The following ORC5 variants were observed in gnomAD, a reference collection of about 807,000 sequenced individuals.
ORC5 encodes origin recognition complex subunit 5.
A neutral mutation model predicts 58.8 loss-of-function variants in ORC5; 39 were observed. The ratio of observed to expected loss-of-function variants is 0.66; its 90% CI spans 0.51 to 0.87. The LOEUF (loss-of-function observed/expected upper bound fraction) is 0.87, where lower values mean the gene tolerates loss of function less well. Ranked by LOEUF, ORC5 falls within the 40% of genes least tolerant of loss-of-function variation. ORC5 has a pLI of 0.00. For synonymous variants in ORC5, 218 were observed against 177.6 expected (o/e 1.23, Z -1.81); for missense variants, 493 against 506.3 (o/e 0.97, Z 0.25).
intron 12 of ORC5, among the ~76,000 whole-genome samples, chr7:104,153,500 A>G (rs1363811258): frequency 2.0e-5 from 3 of 152,198 alleles, no homozygotes; most frequent in African/African-American, 7.2e-5. Flanking sequence ...AGTTGTTGTT[A>G]AGAAAAAAAC....
chr7:104,155,101 G>T (rs1320403638), intron 12 of ORC5, among the ~76,000 whole-genome samples: 1 of 151,782 alleles, frequency 6.6e-6, no homozygotes, highest in Non-Finnish European at 1.5e-5. Flanking sequence ...TAGTAAGGTT[G>T]TCTAAATGCT....
At chr7:104,170,997 A>T (rs1320293012) in intron 8 of ORC5, among the ~76,000 whole-genome samples, 3 of 151,660 alleles carry the variant, frequency 2.0e-5, no homozygotes, top group Non-Finnish European at 4.4e-5. Flanking sequence ...TTTCCTTTGG[A>T]TATCTTATTT....
intron 8 of ORC5, among the ~76,000 whole-genome samples, chr7:104,173,602 A>T (rs1192901317): frequency 6.6e-6 from 1 of 152,198 alleles, no homozygotes; most frequent in Non-Finnish European, 1.5e-5. Flanking sequence ...TCCTGAATTC[A>T]TTCAGGATCT....
chr7:104,147,821 T>C (rs1053818742), intron 12 of ORC5, among the ~76,000 whole-genome samples: 19 of 152,292 alleles, frequency 1.2e-4, no homozygotes, highest in Middle Eastern at 3.4e-3. Context: ...ACATTGGGTG[T>C]TGATGATTAG....
In ORC5 at chr7:104,126,373, T is replaced by C. The variant is rs1183164895; in HGVS notation, c.*475A>G. The C allele has an allele frequency of 1.3e-5, 2 of 153,078 alleles. No individual in the cohort carries two copies. The highest frequency in any genetic ancestry group is 2.9e-5 in the Non-Finnish European group (2 of 68,352). The allele number at this position is 153,078 out of a possible 1,614,324, so 9.5% of individuals were successfully genotyped here. On this transcript the variant is annotated 3_prime_UTR_variant, in exon 14 of 14. Transcript: ENST00000297431. ...TTAAAAAGAACTTGTATTTATTATA[T>C]TTTGCAACTATGATCTTTTAAAACA...
intron 12 of ORC5, among the ~76,000 whole-genome samples, chr7:104,153,231 T>A (rs1433488502): frequency 2.0e-5 from 3 of 152,278 alleles, no homozygotes; most frequent in Non-Finnish European, 4.4e-5. Context: ...AGCAGTTTTT[T>A]AAAAAATCTC....
intron 8 of ORC5, among the ~76,000 whole-genome samples, chr7:104,179,652 GTTTT>G (rs954271948): frequency 7.0e-6 from 1 of 143,726 alleles, no homozygotes; most frequent in Non-Finnish European, 1.5e-5. Context: ...TTTTTTTGTT[GTTTT>G]TTTTTTCTGT....
chr7:104,201,581 G>A (rs538238833), intron 2 of ORC5, among the ~76,000 whole-genome samples: 18 of 150,276 alleles, frequency 1.2e-4, no homozygotes, highest in Non-Finnish European at 2.1e-4. Flanking sequence ...CTTTGGGTCA[G>A]GAGTTCCAGA....
At chr7:104,158,795 T>G (rs960535008) in intron 12 of ORC5, among the ~76,000 whole-genome samples, 1 of 151,594 alleles carries the variant, frequency 6.6e-6, no homozygotes, top group African/African-American at 2.4e-5. Flanking sequence ...CTCACACCAG[T>G]TAGAATGGCG....
chr7:104,189,946 G>C (rs1448131663), intron 5 of ORC5, among the ~76,000 whole-genome samples: 1 of 152,066 alleles, frequency 6.6e-6, no homozygotes, highest in Non-Finnish European at 1.5e-5. Context: ...TATTCTTGTA[G>C]GACTAAGCCC....
intron 12 of ORC5, among the ~76,000 whole-genome samples, chr7:104,151,096 T>C (rs970629278): frequency 6.6e-6 from 1 of 152,074 alleles, no homozygotes; most frequent in Non-Finnish European, 1.5e-5. Flanking sequence ...TTATTGTGAA[T>C]GGTATATATG....
chr7:104,141,674 C>G (rs1798675615), intron 12 of ORC5, among the ~76,000 whole-genome samples: 1 of 152,088 alleles, frequency 6.6e-6, no homozygotes, highest in Non-Finnish European at 1.5e-5. Context: ...TGTCTATACA[C>G]TTACAATGAA....
rs200991882 is a variant in ORC5, at chr7:104,204,222, T to G, written c.85A>C (p.Ser29Arg). The G allele has an allele frequency of 8.8e-6, 14 of 1,590,342 alleles. No homozygotes were observed. In the East Asian group the frequency reaches 2.9e-4, roughly 33 times the overall value. ...QSLFGERHHF[S>R]FPSIFIYGHT... ...CCATAAATAAAAATGGATGGAAAGCTGAAATGATGTCTCTAACGAGAGAAA... is the reference window on the plus strand; with the variant it reads ...CCATAAATAAAAATGGATGGAAAGCGGAAATGATGTCTCTAACGAGAGAAA... Residue 29 changes from serine (S) to arginine (R), a missense_variant, in exon 2 of 14, where the codon AGC becomes CGC. Coordinates refer to ENST00000297431, the MANE Select transcript of ORC5 (RefSeq NM_002553.4).
intron 8 of ORC5, among the ~76,000 whole-genome samples, chr7:104,177,375 A>G (rs1183057789): frequency 6.6e-6 from 1 of 152,194 alleles, no homozygotes. Context: ...AAGTTAGGTT[A>G]TAAACATATT....
intron 12 of ORC5, among the ~76,000 whole-genome samples, chr7:104,159,004 G>A (rs952377286): frequency 9.1e-6 from 1 of 109,870 alleles, no homozygotes; most frequent in Non-Finnish European, 2.2e-5. Flanking sequence ...TATAAATCAC[G>A]CTGTTATAAA....
chr7:104,127,865 A>G (rs2115715295), intron 13 of ORC5, among the ~76,000 whole-genome samples: 1 of 152,322 alleles, frequency 6.6e-6, no homozygotes, highest in South Asian at 2.1e-4. Flanking sequence ...AAGAGATGCT[A>G]TGGCTATTGT....
rs1390058536 is a variant in ORC5, at chr7:104,161,181, G to C, written c.1040C>G (p.Thr347Arg). The change falls in exon 12 of 14, where the codon ACA becomes AGA. Residue 347 changes from threonine (T) to arginine (R), a missense_variant and splice_region_variant. Physicochemically the swap from Thr to Arg is moderately conservative, Grantham distance 71. Around this residue, in one of 3 missense-constraint regions of ORC5, gnomAD observed 412 missense variants for 403.7 expected, o/e 1.02. Transcript: ENST00000297431. ...TTTTGGCCCAAGGAGATGATTGCTTGTCTGTAAAAAACAAAACAAAAACAT... is the reference window on the plus strand; with the variant it reads ...TTTTGGCCCAAGGAGATGATTGCTTCTCTGTAAAAAACAAAACAAAAACAT... Reference protein sequence around the residue: ...KTNFLKKHEKTSNHLLGPKPF... With the variant: ...KTNFLKKHEKRSNHLLGPKPF... The C allele has an allele frequency of 6.4e-6, 10 of 1,557,434 alleles. No homozygotes were observed. Among genetic ancestry groups the C allele is most frequent in the Non-Finnish European group, 8.0e-6 (9 of 1,130,286 alleles).
intron 5 of ORC5, among the ~76,000 whole-genome samples, chr7:104,191,261 C>A (rs1471885591): frequency 6.6e-6 from 1 of 151,466 alleles, no homozygotes; most frequent in African/African-American, 2.4e-5. Flanking sequence ...CTAAAAGGTA[C>A]CATAAAACTT....
At chr7:104,168,400 G>C in intron 9 of ORC5, 73 bp downstream of exon 9, 1 of 1,565,362 alleles carries the variant, frequency 6.4e-7, no homozygotes, top group South Asian at 1.2e-5. Context: ...ATGCTCTTTA[G>C]TATTAACTTT....
Sources: allele counts gnomAD v4.1 joint callset (sites outside exome capture counted in the v4.1 genomes callset), GRCh38; gene constraint gnomAD v4.1.1; regional missense constraint gnomAD v4.1.1; transcripts MANE v1.5; gene names NCBI Gene and HGNC (gene_info 2026-07-23, HGNC 2026-07-21).